The following CYP2J2 variants were observed in gnomAD, a reference collection of about 807,000 sequenced individuals.
The protein encoded by CYP2J2 is cytochrome P450 family 2 subfamily J member 2, also known as cytochrome P450 2J2.
A neutral mutation model predicts 48.8 loss-of-function variants in CYP2J2; 41 were observed. The ratio of observed to expected loss-of-function variants is 0.84; its 90% CI spans 0.66 to 1.09. The LOEUF (loss-of-function observed/expected upper bound fraction) is 1.09. Ranked by LOEUF, CYP2J2 falls within the 50% of genes least tolerant of loss-of-function variation. CYP2J2 has a pLI of 0.00. For missense variants in CYP2J2, 644 were observed against 617.3 expected, an observed-to-expected ratio of 1.04 and a Z score of -0.46; for synonymous variants, 221 against 227.1, an observed-to-expected ratio of 0.97 and a Z score of 0.24.
intron 7 of CYP2J2, 105 bp from the exon 8 acceptor site, chr1:59,901,208 C>G (rs978356049): frequency 3.5e-6 from 4 of 1,149,854 alleles, no homozygotes; most frequent in African/African-American, 1.5e-5. Flanking sequence ...CCTGAACATA[C>G]TGCCCCACCC....
At chr1:59,953,443 G>T in the CYP2J2 span, among the ~76,000 whole-genome samples, 6 of 152,024 alleles carry the variant, frequency 3.9e-5, no homozygotes, top group East Asian at 7.7e-4. Context: ...ATAATATATC[G>T]GGCAGTGATA....
At chr1:59,909,318 A>G (rs1320161313) in intron 5 of CYP2J2, among the ~76,000 whole-genome samples, 1 of 152,206 alleles carries the variant, frequency 6.6e-6, no homozygotes, top group African/African-American at 2.4e-5. Context: ...GGAACTTTGC[A>G]GATGTGGTTA....
chr1:59,931,600 G>T (rs536386219), upstream of CYP2J2, among the ~76,000 whole-genome samples: 3 of 151,960 alleles, frequency 2.0e-5, no homozygotes, highest in African/African-American at 7.2e-5. Flanking sequence ...TCCCTTTATT[G>T]GTCCTTATGC....
intron 8 of CYP2J2, 64 bp from the exon 9 acceptor site, chr1:59,893,893 CTATCCTCAATCA>C (rs1353799510): frequency 5.4e-6 from 8 of 1,484,678 alleles, no homozygotes; most frequent in Non-Finnish European, 7.3e-6. Context: ...GCAGAGATTG[CTATCCTCAATCA>C]TATCCCCAAA....
At chr1:59,910,316 T>C (rs965252903) in intron 4 of CYP2J2, among the ~76,000 whole-genome samples, 1 of 152,202 alleles carries the variant, frequency 6.6e-6, no homozygotes, top group Non-Finnish European at 1.5e-5. Flanking sequence ...TGGGTCTTTT[T>C]AGAAATATAT....
chr1:59,900,291 C>A (rs1644307551), intron 8 of CYP2J2, among the ~76,000 whole-genome samples: 1 of 152,146 alleles, frequency 6.6e-6, no homozygotes, highest in South Asian at 2.1e-4. Flanking sequence ...TGTGAGTGGG[C>A]AGCCCTTAAA....
Position 59,916,995 on chromosome 1 carries a change from G to A in CYP2J2, c.211-895C>T, listed in dbSNP as rs11572240. Among the ~76,000 whole-genome samples, 57 of 152,236 alleles carry A rather than the reference G, an allele frequency of 3.7e-4. 1 individual carries two copies. In the South Asian group the frequency reaches 0.011, roughly 31 times the overall value. ...AAACGTATGCTAGATAATACGAGGT[G>A]CATTTTAGGGCAGGTGCCAGGCATG... On this transcript the variant is annotated intron_variant, in intron 1 of 8. Transcript: ENST00000371204.
At chr1:59,912,981 C>G (rs1446308553) in intron 2 of CYP2J2, 1 of 152,224 alleles carries the variant, frequency 6.6e-6, no homozygotes, top group East Asian at 1.9e-4. Context: ...TTTTATAACA[C>G]AGGTAATGCC....
intron 1 of CYP2J2, among the ~76,000 whole-genome samples, chr1:59,926,216 A>G (rs1644562547): frequency 6.6e-6 from 1 of 152,212 alleles, no homozygotes; most frequent in Admixed American, 6.5e-5. Flanking sequence ...TCTCAGAAAG[A>G]AAGTATAGCA....
At chr1:59,909,404 TA>T (rs928099844) in intron 5 of CYP2J2, among the ~76,000 whole-genome samples, 3 of 151,956 alleles carry the variant, frequency 2.0e-5, no homozygotes, top group African/African-American at 7.3e-5. Context: ...TTATTAGAGG[TA>T]AATAAGAGGG....
At position 59,909,779 on chromosome 1, in the gene CYP2J2, C is replaced by T. The variant is rs1380743756; in HGVS notation, c.861+5G>A. The stretch of plus-strand genomic sequence containing the variant: ...CAAAATACAAAATGACTTTGGTTTT[C>T]TCACCTTTGACATTTCTTTAAGGTA... On this transcript the variant is annotated splice_donor_5th_base_variant and intron_variant, in intron 5 of 8. Coordinates refer to ENST00000371204, the MANE Select transcript of CYP2J2 (RefSeq NM_000775.4). 6.4e-7 allele frequency: 1 copy of T among 1,569,796 alleles called. No homozygotes were observed. Among genetic ancestry groups the T allele is most frequent in the Non-Finnish European group, 8.6e-7 (1 of 1,164,176 alleles).
intron 1 of CYP2J2, among the ~76,000 whole-genome samples, chr1:59,923,911 G>C (rs1644539231): frequency 6.6e-6 from 1 of 152,116 alleles, no homozygotes; most frequent in South Asian, 2.1e-4. Context: ...AGTGGCAGAA[G>C]CTCCCTCAAA....
the CYP2J2 span, among the ~76,000 whole-genome samples, chr1:59,967,977 C>T: frequency 3.9e-5 from 6 of 152,270 alleles, no homozygotes; most frequent in African/African-American, 1.2e-4. Context: ...CAGTAAGTCC[C>T]CAGCTTTGTG....
At chr1:59,946,471 T>C in the CYP2J2 span, among the ~76,000 whole-genome samples, 1 of 152,228 alleles carries the variant, frequency 6.6e-6, no homozygotes, top group Non-Finnish European at 1.5e-5. Flanking sequence ...ATTTAGCATA[T>C]GACATGCACT....
the CYP2J2 span, among the ~76,000 whole-genome samples, chr1:59,944,871 G>T: frequency 6.7e-6 from 1 of 150,164 alleles, no homozygotes; most frequent in African/African-American, 2.5e-5. Flanking sequence ...TTTTTTTTCT[G>T]AAATCATGAC....
the CYP2J2 span, among the ~76,000 whole-genome samples, chr1:59,957,645 G>C: frequency 6.6e-6 from 1 of 151,428 alleles, no homozygotes; most frequent in African/African-American, 2.4e-5. Flanking sequence ...GATAAACAAG[G>C]AAAGTTCCAT....
intron 7 of CYP2J2, 76 bp downstream of exon 7, chr1:59,904,795 G>A (rs1644350887): frequency 7.9e-7 from 1 of 1,266,160 alleles, no homozygotes; most frequent in African/African-American, 1.5e-5. Flanking sequence ...GATTCCTTAG[G>A]ACAAGAATAA....
intron 1 of CYP2J2, among the ~76,000 whole-genome samples, chr1:59,924,377 G>C (rs937817333): frequency 6.6e-6 from 1 of 151,994 alleles, no homozygotes; most frequent in Non-Finnish European, 1.5e-5. Flanking sequence ...AATGAAAAGG[G>C]TAAATAAATG....
the CYP2J2 span, among the ~76,000 whole-genome samples, chr1:59,946,122 G>A: frequency 6.6e-6 from 1 of 152,126 alleles, no homozygotes; most frequent in Non-Finnish European, 1.5e-5. Flanking sequence ...CTTACTCAAA[G>A]TAAAAGCCAC....
Sources: allele counts gnomAD v4.1 joint callset (sites outside exome capture counted in the v4.1 genomes callset), GRCh38; gene constraint gnomAD v4.1.1; transcripts MANE v1.5; gene names NCBI Gene and HGNC (gene_info 2026-07-23, HGNC 2026-07-21).